Variants in NTNG1 observed in about 807,000 individuals in gnomAD.
NTNG1 encodes the protein netrin-G1.
In NTNG1, 16 loss-of-function variants were observed where a neutral mutation model predicts 54.0. The ratio of observed to expected loss-of-function variants is 0.30; its 90% CI spans 0.20 to 0.45. The LOEUF (loss-of-function observed/expected upper bound fraction) is 0.45. Ranked by LOEUF, NTNG1 falls within the 20% of genes least tolerant of loss-of-function variation. The pLI, the probability that NTNG1 is intolerant of heterozygous loss-of-function variation, is 1.00. For synonymous variants in NTNG1, 255 were observed against 263.1 expected (o/e 0.97, Z 0.30); for missense variants, 530 against 678.7 (o/e 0.78, Z 2.43).
intron 2 of NTNG1, among the ~76,000 whole-genome samples, chr1:107,253,824 A>C (rs551910995): frequency 6.6e-6 from 1 of 152,320 alleles, no homozygotes; most frequent in South Asian, 2.1e-4. Flanking sequence ...TTTCCTCTCG[A>C]AATTAGTATT....
intron 3 of NTNG1, among the ~76,000 whole-genome samples, chr1:107,342,223 T>C (rs1301086542): frequency 3.9e-5 from 6 of 152,082 alleles, no homozygotes; most frequent in African/African-American, 1.4e-4. Flanking sequence ...AAATAAAATG[T>C]GACTGACTTC....
chr1:107,299,543 C>G (rs540235671), intron 2 of NTNG1, among the ~76,000 whole-genome samples: 2 of 152,032 alleles, frequency 1.3e-5, no homozygotes, highest in African/African-American at 4.8e-5. Flanking sequence ...TTAAATGGAC[C>G]CTGTAGGGTA....
intron 2 of NTNG1, among the ~76,000 whole-genome samples, chr1:107,314,782 C>T (rs1337417489): frequency 2.0e-5 from 3 of 152,154 alleles, no homozygotes; most frequent in African/African-American, 4.8e-5. Context: ...TGACTGGACT[C>T]GTGTCCTGAC....
intron 3 of NTNG1, among the ~76,000 whole-genome samples, chr1:107,341,506 A>T (rs1206254451): frequency 2.0e-5 from 3 of 152,082 alleles, no homozygotes; most frequent in Non-Finnish European, 4.4e-5. Context: ...TGGGTAATGA[A>T]GTTATATTAT....
chr1:107,431,822 A>C (rs557162525), intron 6 of NTNG1, among the ~76,000 whole-genome samples: 1 of 152,338 alleles, frequency 6.6e-6, no homozygotes, highest in African/African-American at 2.4e-5. Context: ...CTATATAGGC[A>C]CCCAGTTTTA....
intron 3 of NTNG1, among the ~76,000 whole-genome samples, chr1:107,371,814 A>G (rs998527076): frequency 1.3e-5 from 2 of 152,082 alleles, no homozygotes; most frequent in African/African-American, 4.8e-5. Flanking sequence ...CAAGCTGAGT[A>G]TTACTTATCC....
At chr1:107,209,788 G>A (rs535529150) in intron 2 of NTNG1, among the ~76,000 whole-genome samples, 3 of 152,292 alleles carry the variant, frequency 2.0e-5, no homozygotes, top group African/African-American at 7.2e-5. Context: ...GTGGGAGTAG[G>A]GAAGGGAGGC....
chr1:107,145,645 C>G (rs974414944), intron 1 of NTNG1, among the ~76,000 whole-genome samples: 2 of 151,996 alleles, frequency 1.3e-5, no homozygotes, highest in African/African-American at 2.4e-5. Context: ...AATAATATGT[C>G]TGTAATGTAA....
In NTNG1 at chr1:107,337,639, A is replaced by G. The variant is rs1042001184; in HGVS notation, c.887+12717A>G. ...TGTTATGTGTATTTTAACAACAACAACAAAAATAACTGCACAAACAATACT... is the reference window on the plus strand; with the variant it reads ...TGTTATGTGTATTTTAACAACAACAGCAAAAATAACTGCACAAACAATACT... On this transcript the variant is annotated intron_variant, in intron 3 of 7. Transcript: ENST00000370068. Among the ~76,000 whole-genome samples the G allele has an allele frequency of 3.3e-5, 5 of 152,098 alleles. No homozygotes were observed. The South Asian group carries it at 8.3e-4, about 25-fold the overall frequency.
In NTNG1 at chr1:107,324,620, T is replaced by G. The variant is rs762311093; in HGVS notation, c.585T>G (p.Asp195Glu). The change falls in exon 3 of 8, where the codon GAT becomes GAG. Residue 195 changes from aspartate (D) to glutamate (E), a missense_variant. Physicochemically the swap from Asp to Glu is conservative, Grantham distance 45. Around this residue, in one of 2 missense-constraint regions of NTNG1, gnomAD observed 318 missense variants for 465.1 expected, o/e 0.68. Coordinates refer to ENST00000370068, the MANE Select transcript of NTNG1 (RefSeq NM_001113226.3). ...ACATGGATCCTAAATCCGTGAAGGATTTATCACAGCATACGGTCTTAGAAA... is the reference window on the plus strand; with the variant it reads ...ACATGGATCCTAAATCCGTGAAGGAGTTATCACAGCATACGGTCTTAGAAA... Reference protein sequence around the residue: ...AFHMDPKSVKDLSQHTVLEII... With the variant: ...AFHMDPKSVKELSQHTVLEII... 6 of 1,613,576 alleles carry G rather than the reference T, an allele frequency of 3.7e-6. No homozygotes were observed. The highest frequency in any genetic ancestry group is 2.7e-5 in the African/African-American group (2 of 74,890).
chr1:107,482,833 G>A lies in NTNG1; in HGVS notation c.*1993G>A, dbSNP rs1466639294. On this transcript the variant is annotated 3_prime_UTR_variant, in exon 8 of 8. Transcript: ENST00000370068. ...GTTTTGTTCCCAGAAAAGCCAATTC[G>A]AAGAAGGCAATAAAAGGTAAACAGG... The A allele has an allele frequency of 6.6e-6, 1 of 152,154 alleles. No individual in the cohort carries two copies. The highest frequency in any genetic ancestry group is 2.4e-5 in the African/African-American group (1 of 41,436). 9.4% of individuals were successfully genotyped at this position (152,154 alleles called of 1,614,324 possible).
chr1:107,208,227 T>G (rs1659339644), intron 2 of NTNG1, among the ~76,000 whole-genome samples: 1 of 151,990 alleles, frequency 6.6e-6, no homozygotes, highest in South Asian at 2.1e-4. Context: ...GCTGGGAGTT[T>G]GAGACCAGCC....
At chr1:107,357,964 C>T (rs982182776) in intron 3 of NTNG1, among the ~76,000 whole-genome samples, 1 of 152,176 alleles carries the variant, frequency 6.6e-6, no homozygotes, top group African/African-American at 2.4e-5. Context: ...TTATATACTA[C>T]TCTTCTATGT....
intron 2 of NTNG1, among the ~76,000 whole-genome samples, chr1:107,303,196 A>G (rs1666429093): frequency 6.6e-6 from 1 of 152,220 alleles, no homozygotes; most frequent in Non-Finnish European, 1.5e-5. Flanking sequence ...AAATCACTTG[A>G]GTAGACCAGT....
At chr1:107,226,773 A>G (rs1250492938) in intron 2 of NTNG1, among the ~76,000 whole-genome samples, 1 of 152,138 alleles carries the variant, frequency 6.6e-6, no homozygotes, top group Admixed American at 6.6e-5. Flanking sequence ...CAGATACCAA[A>G]GACTATCAGC....
chr1:107,432,830 C>T (rs1003390083), intron 6 of NTNG1, among the ~76,000 whole-genome samples: 1 of 151,984 alleles, frequency 6.6e-6, no homozygotes, highest in Non-Finnish European at 1.5e-5. Flanking sequence ...TTAACAATAT[C>T]ACAATATATT....
chr1:107,479,048 C>A (rs535981044), intron 7 of NTNG1, among the ~76,000 whole-genome samples: 44 of 152,238 alleles, frequency 2.9e-4, no homozygotes, highest in African/African-American at 1.0e-3. Flanking sequence ...ATATTTGGAG[C>A]CTGAAGGATT....
At chr1:107,452,581 T>C (rs925139468) in intron 7 of NTNG1, among the ~76,000 whole-genome samples, 1 of 152,092 alleles carries the variant, frequency 6.6e-6, no homozygotes, top group Non-Finnish European at 1.5e-5. Flanking sequence ...ATTCTAGTGG[T>C]AGTGAGTGAG....
intron 3 of NTNG1, among the ~76,000 whole-genome samples, chr1:107,328,486 T>C (rs1217047121): frequency 1.3e-5 from 2 of 152,124 alleles, no homozygotes; most frequent in East Asian, 3.8e-4. Flanking sequence ...AATGCATAAA[T>C]AAAATCTACT....
Sources: allele counts gnomAD v4.1 joint callset (sites outside exome capture counted in the v4.1 genomes callset), GRCh38; gene constraint gnomAD v4.1.1; regional missense constraint gnomAD v4.1.1; transcripts MANE v1.5; gene names NCBI Gene and HGNC (gene_info 2026-07-23, HGNC 2026-07-21).